MED27: variants seen among roughly 807,000 people sequenced by gnomAD.
MED27 encodes the protein mediator of RNA polymerase II transcription subunit 27.
Under a neutral mutation model 38.2 loss-of-function variants are expected in MED27, and 30 were observed. The ratio of observed to expected loss-of-function variants is 0.79; its 90% CI spans 0.59 to 1.07. MED27 has a LOEUF of 1.07. Among genes scored for constraint, MED27 ranks in the 50% least tolerant of loss-of-function variants. The probability of loss-of-function intolerance (pLI) is 0.00; values close to 1 mark genes in which losing one functional copy is unlikely to be tolerated. For synonymous variants in MED27, 122 were observed against 153.5 expected, an observed-to-expected ratio of 0.79 and a Z score of 1.52; for missense variants, 289 against 397.5, an observed-to-expected ratio of 0.73 and a Z score of 2.32.
intron 2 of MED27, among the ~76,000 whole-genome samples, chr9:132,071,453 C>T (rs1042283655): frequency 6.6e-6 from 1 of 151,792 alleles, no homozygotes; most frequent in African/African-American, 2.4e-5. Context: ...AATGAGCACA[C>T]ACACGAGTAA....
intron 4 of MED27, among the ~76,000 whole-genome samples, chr9:131,922,388 T>G (rs1339966879): frequency 6.6e-6 from 1 of 151,292 alleles, no homozygotes; most frequent in Non-Finnish European, 1.5e-5. Flanking sequence ...TATTTTGGTG[T>G]TCAATTGTCC....
intron 2 of MED27, among the ~76,000 whole-genome samples, chr9:132,074,395 A>G (rs959888499): frequency 6.6e-6 from 1 of 152,226 alleles, no homozygotes; most frequent in Non-Finnish European, 1.5e-5. Context: ...AACAGCACAT[A>G]AAACAGAAAG....
At chr9:131,892,090 C>A (rs1037917209) in intron 5 of MED27, among the ~76,000 whole-genome samples, 2 of 151,996 alleles carry the variant, frequency 1.3e-5, no homozygotes, top group African/African-American at 4.8e-5. Context: ...AGAAACAAAT[C>A]ATGAGTGATC....
At chr9:132,029,731 A>G (rs1338717804) in intron 2 of MED27, among the ~76,000 whole-genome samples, 1 of 152,220 alleles carries the variant, frequency 6.6e-6, no homozygotes, top group Non-Finnish European at 1.5e-5. Flanking sequence ...AGAATAATGT[A>G]TATTTGAACA....
chr9:132,041,078 G>A (rs1256422127), intron 2 of MED27, among the ~76,000 whole-genome samples: 2 of 152,186 alleles, frequency 1.3e-5, no homozygotes, highest in Admixed American at 6.5e-5. Flanking sequence ...GAGCAGAAGG[G>A]AAGAACAAGA....
chr9:131,953,030 A>G (rs557378537), intron 3 of MED27, among the ~76,000 whole-genome samples: 2 of 152,384 alleles, frequency 1.3e-5, no homozygotes, highest in Non-Finnish European at 2.9e-5. Context: ...GAATATTTAA[A>G]CCAACTGAAG....
chr9:131,950,389 A>G (rs1356922584), intron 3 of MED27, among the ~76,000 whole-genome samples: 2 of 152,116 alleles, frequency 1.3e-5, no homozygotes, highest in African/African-American at 4.8e-5. Context: ...CCACATTCCA[A>G]TGGCTTTCCC....
chr9:132,006,902 C>T (rs1204408569), intron 3 of MED27, among the ~76,000 whole-genome samples: 1 of 152,154 alleles, frequency 6.6e-6, no homozygotes, highest in Non-Finnish European at 1.5e-5. Flanking sequence ...ACAACATGAG[C>T]CTCTGACTTT....
chr9:131,960,181 G>A (rs1391155391), intron 3 of MED27, among the ~76,000 whole-genome samples: 6 of 152,138 alleles, frequency 3.9e-5, no homozygotes, highest in African/African-American at 1.2e-4. Context: ...AAATGTCAAC[G>A]GCTTTAGAAA....
intron 4 of MED27, among the ~76,000 whole-genome samples, chr9:131,926,044 G>A (rs1162705151): frequency 1.3e-5 from 2 of 152,228 alleles, no homozygotes; most frequent in Non-Finnish European, 2.9e-5. Flanking sequence ...CTCCTGCTTA[G>A]GTGGTGTCAA....
rs114374171 is a variant in MED27, at chr9:131,862,562, G to A, written c.801+501C>T. Among the ~76,000 whole-genome samples the A allele has an allele frequency of 0.015, 2,276 of 152,324 alleles. 49 individuals are homozygous for A. The highest frequency in any genetic ancestry group is 0.046 in the African/African-American group (1,928 of 41,568). On this transcript the variant is annotated intron_variant, in intron 7 of 7. Coordinates refer to ENST00000292035, the MANE Select transcript of MED27 (RefSeq NM_004269.4). This position sits in a 1 kb window ranked among gnomAD's most constrained non-coding sequence, Gnocchi z 4.6. ...TCCCACCAAGTTTGATTTCAAACTA[G>A]TAGTGGTTGAAGAACCAGCTCGCAA...
At chr9:131,916,158 G>GA (rs1434969366) in intron 4 of MED27, among the ~76,000 whole-genome samples, 19 of 152,278 alleles carry the variant, frequency 1.2e-4, no homozygotes, top group Middle Eastern at 3.4e-3. Context: ...TAAACACAAT[G>GA]AAAAGATTAA....
chr9:131,990,886 A>C (rs1278439793), intron 3 of MED27, among the ~76,000 whole-genome samples: 1 of 152,214 alleles, frequency 6.6e-6, no homozygotes, highest in Non-Finnish European at 1.5e-5. Context: ...ACTATGCACT[A>C]ATCAGATATG....
At chr9:132,037,567 T>C (rs1833107152) in intron 2 of MED27, among the ~76,000 whole-genome samples, 1 of 152,192 alleles carries the variant, frequency 6.6e-6, no homozygotes. Flanking sequence ...GTAATTCATA[T>C]TTCAAAATCT....
intron 2 of MED27, among the ~76,000 whole-genome samples, chr9:132,034,668 T>C (rs999911631): frequency 6.6e-6 from 1 of 152,122 alleles, no homozygotes; most frequent in Non-Finnish European, 1.5e-5. Flanking sequence ...AGCAATCTCA[T>C]GTAATTCAGG....
chr9:131,885,739 A>G (rs978288745), intron 5 of MED27, among the ~76,000 whole-genome samples: 16 of 152,224 alleles, frequency 1.1e-4, no homozygotes, highest in Non-Finnish European at 7.3e-5. Context: ...CTTCTGTTTC[A>G]AGAGTTTAGA....
At chr9:131,928,279 CTT>C (rs1406120905) in intron 4 of MED27, among the ~76,000 whole-genome samples, 7 of 152,150 alleles carry the variant, frequency 4.6e-5, no homozygotes, top group Non-Finnish European at 7.3e-5. Flanking sequence ...TGGGCTAACA[CTT>C]AAAAATGTAT....
chr9:131,957,876 C>G (rs1447487527), intron 3 of MED27, among the ~76,000 whole-genome samples: 1 of 144,936 alleles, frequency 6.9e-6, no homozygotes, highest in Non-Finnish European at 1.5e-5. Flanking sequence ...CCCAGGAATT[C>G]AAGACGACCC....
rs1157397880 is a variant in MED27, at chr9:131,889,573, GTA to G, written c.681+4310_681+4311del. ...AGAGGAATCAGGCTATTGGTCCTTG[GTA>G]TCAAAAATATGCATTGCAGGTAAAG... On this transcript the variant is annotated intron_variant, in intron 5 of 7. Transcript: ENST00000292035. The surrounding 1 kb of genome is among the most constrained non-coding windows in gnomAD (Gnocchi z 4.2). Among the ~76,000 whole-genome samples the G allele has an allele frequency of 6.6e-5, 10 of 152,152 alleles. No individual in the cohort carries two copies. The East Asian group carries it at 1.5e-3, about 23-fold the overall frequency.
Sources: gnomAD v4.1 joint callset for allele counts (sites outside exome capture counted in the v4.1 genomes callset) on GRCh38, gnomAD v4.1.1 for gene constraint, Gnocchi (gnomAD v3.1) non-coding constraint, MANE v1.5 for transcripts, NCBI Gene and HGNC (gene_info 2026-07-23, HGNC 2026-07-21) for gene names.